Variants in GUCA1C observed in about 807,000 individuals in gnomAD.
The protein encoded by GUCA1C is guanylate cyclase activator 1C.
A neutral mutation model predicts 16.2 loss-of-function variants in GUCA1C; 15 were observed. The observed-to-expected ratio is 0.93, with a 90% CI of 0.62 to 1.43. GUCA1C has a LOEUF of 1.43. Among genes scored for constraint, GUCA1C ranks in the 40% most tolerant of loss-of-function variants. The pLI is 0.00. For missense variants in GUCA1C, 275 were observed against 244.8 expected (o/e 1.12, Z -0.82); for synonymous variants, 78 against 85.4 (o/e 0.91, Z 0.48).
Position 108,908,114 on chromosome 3 carries a change from T to TGCTTCCCATTA in GUCA1C, c.537_538insTAATGGGAAGC (p.Arg180Ter), listed in dbSNP as rs749320902. 3.1e-6 allele frequency: 5 copies of TGCTTCCCATTA among 1,613,632 alleles called. No individual in the cohort carries two copies. The South Asian group carries it at 5.5e-5, about 18-fold the overall frequency. On this transcript the variant is annotated stop_gained and frameshift_variant, in exon 4 of 4. Transcript: ENST00000261047. LOFTEE classifies it low-confidence loss of function (END_TRUNC). The stretch of plus-strand genomic sequence containing the variant: ...GGCTGCTTCCCATTACAGATTACTC[T>TGCTTCCCATTA]CAGCACATTGGAGAAGTCGAAGCTC...
At chr3:108,908,352 TAAAC>T (rs1169569833) in intron 3 of GUCA1C, 143 bp from the exon 4 acceptor site, 40 of 347,514 alleles carry the variant, frequency 1.2e-4, no homozygotes, top group African/African-American at 5.7e-4. Context: ...GATCTTCATT[TAAAC>T]AAAAAAAAAA....
chr3:108,940,350 T>G (rs530300735), intron 1 of GUCA1C, among the ~76,000 whole-genome samples: 1 of 152,300 alleles, frequency 6.6e-6, no homozygotes, highest in South Asian at 2.1e-4. Context: ...TGAACAGCAG[T>G]GATTATGACA....
chr3:108,908,392 G>A (rs1374681171), intron 3 of GUCA1C, among the ~76,000 whole-genome samples, 183 bp from the exon 4 acceptor site: 1 of 148,484 alleles, frequency 6.7e-6, no homozygotes, highest in Non-Finnish European at 1.5e-5. Flanking sequence ...TGGTGGTGTT[G>A]CCAATGAAAA....
rs917756554 is a variant in GUCA1C, at chr3:108,920,505, C to A, written c.285G>T (p.Trp95Cys). The change falls in exon 2 of 4, where the codon TGG (tryptophan) becomes TGT (cysteine). Residue 95 changes from tryptophan (W) to cysteine (C), a missense_variant. By Grantham distance (215) the Trp-to-Cys change is radical (BLOSUM62 -2). Transcript: ENST00000261047. ...MQEKMEQKLK[W>C]YFKLYDADGN... Reference sequence around the variant, plus strand: ...CATCAGCATCATACAGCTTAAAATACCATTTTAATTTTTGCTCCATTTTTT... The same window carrying A: ...CATCAGCATCATACAGCTTAAAATAACATTTTAATTTTTGCTCCATTTTTT... 1 of 1,590,212 alleles carries A rather than the reference C, an allele frequency of 6.3e-7. No individual in the cohort carries two copies. Among genetic ancestry groups the A allele is most frequent in the Non-Finnish European group, 8.6e-7 (1 of 1,158,670 alleles).
chr3:108,932,052 G>A (rs1247014528), intron 1 of GUCA1C, among the ~76,000 whole-genome samples: 3 of 151,152 alleles, frequency 2.0e-5, no homozygotes, highest in African/African-American at 7.3e-5. Flanking sequence ...GGGTTTCACC[G>A]TGTTAGCCAG....
intron 3 of GUCA1C, among the ~76,000 whole-genome samples, chr3:108,910,908 C>G (rs569017064): frequency 2.0e-5 from 3 of 152,222 alleles, no homozygotes; most frequent in Non-Finnish European, 2.9e-5. Context: ...CCTCGGCCCC[C>G]CAAAGTGCTG....
chr3:108,923,084 G>A (rs2107288167), intron 1 of GUCA1C, among the ~76,000 whole-genome samples: 1 of 152,172 alleles, frequency 6.6e-6, no homozygotes, highest in Admixed American at 6.5e-5. Flanking sequence ...GTCCTTCGTC[G>A]AATGTACAGA....
At chr3:108,947,660 G>T (rs1015629057) in intron 1 of GUCA1C, among the ~76,000 whole-genome samples, 3 of 152,026 alleles carry the variant, frequency 2.0e-5, no homozygotes, top group Admixed American at 1.3e-4. Context: ...ACATAATGTT[G>T]GAGTATTTTT....
chr3:108,922,158 CAA>C (rs879618871), intron 1 of GUCA1C, among the ~76,000 whole-genome samples: 67,263 of 113,288 alleles, frequency 0.59, 15,569 homozygotes, highest in Middle Eastern at 0.64. Context: ...CACACATACA[CAA>C]ACACACACAC....
rs57364462 is a variant in GUCA1C, at chr3:108,913,230, AATAT to A, written c.442+2893_442+2896del. Among the ~76,000 whole-genome samples the A allele has an allele frequency of 2.0e-3, 299 of 147,904 alleles. 2 individuals are homozygous for A. Among genetic ancestry groups the A allele is most frequent in the African/African-American group, 6.9e-3 (280 of 40,524 alleles). On this transcript the variant is annotated intron_variant, in intron 3 of 3. Coordinates refer to ENST00000261047, the MANE Select transcript of GUCA1C (RefSeq NM_005459.4). ...TGCTTGCTTTTTATTTTGAGAAATA[AATAT>A]ATATATATATATATGTCAGTGTACA...
chr3:108,911,374 T>G (rs6791490), intron 3 of GUCA1C, among the ~76,000 whole-genome samples: 144,703 of 152,264 alleles, frequency 0.95, 68,759 homozygotes, highest in East Asian at 0.97. Context: ...GGTTTTAAAA[T>G]AAATCAGCCT....
At chr3:108,952,257 C>T (rs984033458) in intron 1 of GUCA1C, among the ~76,000 whole-genome samples, 7 of 152,168 alleles carry the variant, frequency 4.6e-5, no homozygotes, top group African/African-American at 1.7e-4. Flanking sequence ...ATAAAGACAA[C>T]GTGGCATCAT....
intron 1 of GUCA1C, among the ~76,000 whole-genome samples, chr3:108,926,195 T>G (rs1559843491): frequency 6.6e-6 from 1 of 152,238 alleles, no homozygotes; most frequent in Non-Finnish European, 1.5e-5. Context: ...TTTGTCTTTT[T>G]TAACTGCTGT....
intron 1 of GUCA1C, among the ~76,000 whole-genome samples, chr3:108,944,302 AC>A (rs1323976391): frequency 6.6e-6 from 1 of 152,142 alleles, no homozygotes; most frequent in East Asian, 1.9e-4. Flanking sequence ...CCTGAGGATG[AC>A]CCTGTCTGGC....
chr3:108,916,761 G>T (rs1227424535), intron 2 of GUCA1C, among the ~76,000 whole-genome samples: 1 of 152,102 alleles, frequency 6.6e-6, no homozygotes, highest in Non-Finnish European at 1.5e-5. Context: ...GGGCCCAGGG[G>T]GCAAATGACA....
At chr3:108,926,037 A>G (rs1248577417) in intron 1 of GUCA1C, among the ~76,000 whole-genome samples, 1 of 152,118 alleles carries the variant, frequency 6.6e-6, no homozygotes, top group Non-Finnish European at 1.5e-5. Flanking sequence ...CAGTGAGCTG[A>G]GATCATGCCA....
rs1946407725 is a variant in GUCA1C at position 108,907,828 on chromosome 3, G to A, written c.*194C>T. ...CATTATGTTTTAATCTGCAGAGACA[G>A]CACAGAAAAGCAACAATGCATCTGT... On this transcript the variant is annotated 3_prime_UTR_variant, in exon 4 of 4. Coordinates refer to ENST00000261047, the MANE Select transcript of GUCA1C (RefSeq NM_005459.4). 7 of 541,376 alleles carry A rather than the reference G, an allele frequency of 1.3e-5. No individual in the cohort carries two copies. The highest frequency in any genetic ancestry group is 9.8e-6 in the Non-Finnish European group (3 of 306,984). 33.5% of individuals were successfully genotyped at this position (541,376 alleles called of 1,614,324 possible).
Position 108,908,079 on chromosome 3 carries a change from C to T in GUCA1C, c.573G>A (p.Glu191=). The part of the protein sequence containing the change: ...VICNGKQPDM[E]TDSSKSPDKA... ...TGTCAGGAGATTTGGAGGAGTCTGT[C>T]TCCATGTCTGGCTGCTTCCCATTAC... Residue 191 remains glutamate (E), a synonymous_variant, in exon 4 of 4, where the codon GAG becomes GAA. Coordinates refer to ENST00000261047, the MANE Select transcript of GUCA1C (RefSeq NM_005459.4). The T allele has an allele frequency of 6.2e-7, 1 of 1,614,014 alleles. No individual in the cohort carries two copies. Among genetic ancestry groups the T allele is most frequent in the Non-Finnish European group, 8.5e-7 (1 of 1,179,904 alleles).
intron 2 of GUCA1C, among the ~76,000 whole-genome samples, chr3:108,917,872 C>T (rs912982483): frequency 6.6e-6 from 1 of 151,986 alleles, no homozygotes. Context: ...TGGTGAAACC[C>T]CGTTTCTACT....
Sources: gnomAD v4.1 joint callset for allele counts (sites outside exome capture counted in the v4.1 genomes callset) on GRCh38, gnomAD v4.1.1 for gene constraint, MANE v1.5 for transcripts, NCBI Gene and HGNC (gene_info 2026-07-23, HGNC 2026-07-21) for gene names.